Variants in BAHCC1 observed in about 807,000 individuals in gnomAD.
BAHCC1 encodes the protein BAH and coiled-coil domain-containing protein 1.
A neutral mutation model predicts 88.2 loss-of-function variants in BAHCC1; 43 were observed. The observed-to-expected ratio is 0.49, with a 90% CI of 0.38 to 0.63. The LOEUF (loss-of-function observed/expected upper bound fraction) is 0.63, where lower values mean the gene tolerates loss of function less well. BAHCC1 is among the 20% of genes least tolerant of loss of function. The pLI is 0.00. For missense variants in BAHCC1, 3,023 were observed against 1,654.8 expected, an observed-to-expected ratio of 1.83 and a Z score of -14.34; for synonymous variants, 1,510 against 745.5, an observed-to-expected ratio of 2.03 and a Z score of -16.71.
At chr17:81,443,979 C>T (rs2064474338) in intron 6 of BAHCC1, 62 bp downstream of exon 6, 2 of 694,252 alleles carry the variant, frequency 2.9e-6, no homozygotes. Flanking sequence ...GCTCCCCACT[C>T]AGAGCCACGT....
intron 2 of BAHCC1, chr17:81,401,109 T>G (rs1228922551): frequency 6.6e-6 from 1 of 152,270 alleles, no homozygotes; most frequent in East Asian, 1.9e-4. Flanking sequence ...AATTAGTGTG[T>G]GGATTAAAAC....
chr17:81,459,841 C>T (rs1555658618), intron 23 of BAHCC1, among the ~76,000 whole-genome samples: 2 of 152,052 alleles, frequency 1.3e-5, no homozygotes, highest in Non-Finnish European at 2.9e-5. Context: ...GGAAGGGGCC[C>T]TGAGCACTGC....
intron 2 of BAHCC1, chr17:81,407,209 G>A (rs985382016): frequency 1.9e-4 from 76 of 404,270 alleles, no homozygotes; most frequent in South Asian, 1.3e-3. Flanking sequence ...CCAGAAATGG[G>A]GGATGGGTGT....
At chr17:81,455,214 G>C in intron 14 of BAHCC1, 53 bp from the exon 15 acceptor site, 2 of 699,966 alleles carry the variant, frequency 2.9e-6, no homozygotes, top group Non-Finnish European at 5.3e-6. Context: ...GGGGGACAAG[G>C]CTGGGGCGGC....
intron 2 of BAHCC1, among the ~76,000 whole-genome samples, chr17:81,403,905 C>T (rs1416119427): frequency 2.0e-5 from 3 of 152,368 alleles, no homozygotes; most frequent in East Asian, 1.9e-4. Flanking sequence ...CAGTGGGGCT[C>T]GTGCTGCCAC....
intron 2 of BAHCC1, chr17:81,400,729 C>T (rs530351874): frequency 7.2e-5 from 11 of 153,686 alleles, no homozygotes; most frequent in African/African-American, 1.2e-4. Context: ...GGGACGGATC[C>T]TCTCGGGCGG....
intron 11 of BAHCC1, among the ~76,000 whole-genome samples, chr17:81,448,564 C>T (rs2064575684): frequency 1.3e-5 from 2 of 152,230 alleles, no homozygotes; most frequent in Non-Finnish European, 2.9e-5. Flanking sequence ...AGGGCGTCCC[C>T]CAGCCGGGCA....
At position 81,438,393 on chromosome 17, in the gene BAHCC1, G is replaced by A; in HGVS notation, c.382G>A (p.Gly128Arg). ...HEAPGYPRFSGSLASTFLPVS... is the reference protein window; with the variant it reads ...HEAPGYPRFSRSLASTFLPVS... ...AGCTCCGGGGTACCCCAGATTTTCG[G>A]GGAGTCTGGCATCCACCTTCCTACC... The change falls in exon 4 of 28, where the codon GGG (glycine) becomes AGG (arginine). Residue 128 changes from glycine (G) to arginine (R), a missense_variant. Gly to Arg is a moderately radical substitution (Grantham distance 125, BLOSUM62 -2). Coordinates refer to ENST00000675386, the MANE Select transcript of BAHCC1 (RefSeq NM_001377448.1). 1.3e-6 allele frequency: 1 copy of A among 778,818 alleles called. No homozygotes were observed. Among genetic ancestry groups the A allele is most frequent in the Non-Finnish European group, 2.4e-6 (1 of 417,602 alleles). 48.2% of individuals were successfully genotyped at this position (778,818 alleles called of 1,614,324 possible). A position where few individuals can be genotyped will look rare whatever the true frequency, so the allele number is the denominator to read the frequency against.
At chr17:81,400,025 C>T (rs2063794099) in intron 2 of BAHCC1, 108 bp downstream of exon 2, 1 of 1,019,768 alleles carries the variant, frequency 9.8e-7, no homozygotes, top group East Asian at 3.7e-5. Context: ...ATTTCCCGGC[C>T]CCGGCCGCGG....
intron 4 of BAHCC1, among the ~76,000 whole-genome samples, chr17:81,440,231 G>A (rs1598484322): frequency 6.6e-6 from 1 of 152,226 alleles, no homozygotes; most frequent in Non-Finnish European, 1.5e-5. Flanking sequence ...GACAGTGTTT[G>A]TCAGGGGCGG....
chr17:81,395,930 A>G (rs1272111092), intron 1 of BAHCC1: 4 of 152,010 alleles, frequency 2.6e-5, no homozygotes, highest in African/African-American at 9.7e-5. Flanking sequence ...TGTTGTCTCG[A>G]TCGACACCCA....
At chr17:81,396,303 T>C (rs1232361674) in intron 1 of BAHCC1, 37 of 147,760 alleles carry the variant, frequency 2.5e-4, no homozygotes, top group African/African-American at 9.3e-4. Flanking sequence ...TCCGGAGAAG[T>C]GGGGGTGGAG....
At chr17:81,404,031 A>G (rs1555646497) in intron 2 of BAHCC1, among the ~76,000 whole-genome samples, 1 of 152,374 alleles carries the variant, frequency 6.6e-6, no homozygotes, top group Admixed American at 6.5e-5. Flanking sequence ...CAAATAGCAC[A>G]TCTCCCCTGG....
chr17:81,395,968 G>C (rs968948277), intron 1 of BAHCC1: 1 of 152,260 alleles, frequency 6.6e-6, no homozygotes, highest in African/African-American at 2.4e-5. Context: ...TCGAAGACAG[G>C]ACAGGGACCG....
At position 81,431,265 on chromosome 17, in the gene BAHCC1, T is replaced by TGCCA. The variant is rs1185215620; in HGVS notation, c.358+4288_358+4291dup. ...CGTGGCCTGCCCTGGCCGGCCACCC[T>TGCCA]GCCAGGGTCCCAGCCTCCTGTCCCC... On this transcript the variant is annotated intron_variant, in intron 3 of 27. Coordinates refer to ENST00000675386, the MANE Select transcript of BAHCC1 (RefSeq NM_001377448.1). Among the ~76,000 whole-genome samples, 829 of 152,216 alleles carry TGCCA rather than the reference T, an allele frequency of 5.4e-3. 11 individuals carry two copies. Among genetic ancestry groups the TGCCA allele is most frequent in the African/African-American group, 0.019 (787 of 41,542 alleles).
chr17:81,430,627 A>G lies in BAHCC1; in HGVS notation c.358+3648A>G, dbSNP rs1047593027. On this transcript the variant is annotated intron_variant, in intron 3 of 27. Coordinates refer to ENST00000675386, the MANE Select transcript of BAHCC1 (RefSeq NM_001377448.1). ...GGGAGTGAGCAGGAGCTGGGACCACATCTGTTTAAGGGACAGAGGTCCCAC... is the reference window on the plus strand; with the variant it reads ...GGGAGTGAGCAGGAGCTGGGACCACGTCTGTTTAAGGGACAGAGGTCCCAC... Among the ~76,000 whole-genome samples the G allele has an allele frequency of 1.3e-4, 20 of 152,286 alleles. 1 individual carries two copies. The South Asian group carries it at 3.1e-3, about 24-fold the overall frequency.
chr17:81,432,971 A>G (rs1460421586), intron 3 of BAHCC1, among the ~76,000 whole-genome samples: 1 of 132,468 alleles, frequency 7.5e-6, no homozygotes, highest in African/African-American at 2.9e-5. Context: ...GATCCTGGGC[A>G]GGCTGCCCAC....
chr17:81,400,081 C>T (rs1342518919), intron 2 of BAHCC1, among the ~76,000 whole-genome samples, 164 bp downstream of exon 2: 1 of 152,050 alleles, frequency 6.6e-6, no homozygotes, highest in Non-Finnish European at 1.5e-5. Flanking sequence ...GCCAGCCCCC[C>T]AAGCTGCGTC....
Position 81,461,282 on chromosome 17 carries a change from C to G in BAHCC1, c.6619C>G (p.Leu2207Val), listed in dbSNP as rs1011317112. The G allele has an allele frequency of 2.8e-6, 2 of 705,830 alleles. No individual in the cohort carries two copies. The highest frequency in any genetic ancestry group is 5.2e-6 in the Non-Finnish European group (2 of 383,636). 43.7% of individuals were successfully genotyped at this position (705,830 alleles called of 1,614,324 possible). Residue 2207 changes from leucine (L) to valine (V), a missense_variant, in exon 26 of 28, where the codon CTG (leucine) becomes GTG (valine). By Grantham distance (32) the Leu-to-Val change is conservative. Coordinates refer to ENST00000675386, the MANE Select transcript of BAHCC1 (RefSeq NM_001377448.1). ...GGRRRAGGEF[L>V]VKLDHEGVTS... is the part of the protein sequence containing the mutation. The stretch of plus-strand genomic sequence containing the variant: ...GCGGCGGCGGGCGGGCGGTGAGTTC[C>G]TGGTCAAGCTGGACCACGAGGGTGT...
Sources: gnomAD v4.1 joint callset for allele counts (sites outside exome capture counted in the v4.1 genomes callset) on GRCh38, gnomAD v4.1.1 for gene constraint, MANE v1.5 for transcripts, NCBI Gene and HGNC (gene_info 2026-07-23, HGNC 2026-07-21) for gene names.